The following SLC35F4 variants were observed in gnomAD, a reference collection of about 807,000 sequenced individuals.
SLC35F4 encodes chromosome 14 open reading frame 36.
SLC35F4 carries 24 observed loss-of-function variants against 44.2 expected under a neutral mutation model. The observed-to-expected ratio is 0.54, with a 90% CI of 0.39 to 0.76. The LOEUF (loss-of-function observed/expected upper bound fraction) is 0.76, where lower values mean the gene tolerates loss of function less well. SLC35F4 is among the 30% of genes least tolerant of loss of function. SLC35F4 has a pLI of 0.00. For synonymous variants in SLC35F4, 238 were observed against 223.6 expected (o/e 1.06, Z -0.57); for missense variants, 562 against 586.1 (o/e 0.96, Z 0.42).
chr14:57,909,995 T>C (rs886414125), intron 1 of SLC35F4, among the ~76,000 whole-genome samples: 10 of 152,308 alleles, frequency 6.6e-5, no homozygotes, highest in Non-Finnish European at 1.5e-4. Flanking sequence ...GCTATTCTAA[T>C]AGGTATGTTG....
intron 1 of SLC35F4, among the ~76,000 whole-genome samples, chr14:57,628,465 A>G (rs903280168): frequency 2.1e-5 from 3 of 140,706 alleles, no homozygotes; most frequent in African/African-American, 8.0e-5. Flanking sequence ...ACACCTCAAC[A>G]GGTCCCAGTG....
At chr14:57,920,567 T>A (rs572635118) in intron 1 of SLC35F4, among the ~76,000 whole-genome samples, 1 of 152,272 alleles carries the variant, frequency 6.6e-6, no homozygotes, top group East Asian at 1.9e-4. Context: ...AGTGAGAGCC[T>A]GTCTCAAAAA....
At position 57,952,285 on chromosome 14, in the gene SLC35F4, C is replaced by T. The variant is rs149711888; in HGVS notation, n.282+29628G>A. On this transcript the variant is annotated intron_variant and non_coding_transcript_variant, in intron 1 of 1. Transcript: ENST00000556568. ...CCACACAAAAACCCCATCTGAAGGT[C>T]ACCAGCATCAAAGACCAAAGGTAGA... Among the ~76,000 whole-genome samples, 594 of 152,224 alleles carry T rather than the reference C, an allele frequency of 3.9e-3. 3 individuals are homozygous for T. The highest frequency in any genetic ancestry group is 0.013 in the African/African-American group (542 of 41,542).
chr14:57,796,168 ACCT>A (rs1181205480), intron 1 of SLC35F4, among the ~76,000 whole-genome samples: 1 of 152,120 alleles, frequency 6.6e-6, no homozygotes, highest in East Asian at 1.9e-4. Flanking sequence ...TGGTACATAT[ACCT>A]CATTTTCTTT....
At chr14:57,810,338 T>C (rs1392423606) in intron 1 of SLC35F4, among the ~76,000 whole-genome samples, 2 of 152,244 alleles carry the variant, frequency 1.3e-5, no homozygotes, top group Non-Finnish European at 2.9e-5. Flanking sequence ...GGTACTATAA[T>C]AAGATAGTAC....
chr14:57,949,481 T>G (rs1477628521), intron 1 of SLC35F4, among the ~76,000 whole-genome samples: 1 of 152,180 alleles, frequency 6.6e-6, no homozygotes, highest in Non-Finnish European at 1.5e-5. Context: ...TTTTATCCAT[T>G]CTGCCATTCT....
rs565617214 is a variant in SLC35F4 at position 57,725,359 on chromosome 14, C to T, written c.104-131235G>A. On this transcript the variant is annotated intron_variant, in intron 1 of 7. Coordinates refer to ENST00000556826, the MANE Select transcript of SLC35F4 (RefSeq NM_001306087.2). ...GAGCCCTCGATATGGCACCATTCCTCGGGGTGATCAGACAGCTACCTCGTG... is the reference window on the plus strand; with the variant it reads ...GAGCCCTCGATATGGCACCATTCCTTGGGGTGATCAGACAGCTACCTCGTG... Among the ~76,000 whole-genome samples, 113 of 152,284 alleles carry T rather than the reference C, an allele frequency of 7.4e-4. 1 individual carries two copies. The highest frequency in any genetic ancestry group is 2.6e-3 in the African/African-American group (106 of 41,548).
intron 1 of SLC35F4, among the ~76,000 whole-genome samples, chr14:57,777,460 A>G (rs2077515988): frequency 6.6e-6 from 1 of 152,226 alleles, no homozygotes; most frequent in South Asian, 2.1e-4. Flanking sequence ...AAAAAGGATG[A>G]GTTCATGTCT....
intron 1 of SLC35F4, among the ~76,000 whole-genome samples, chr14:57,702,331 T>A (rs1362338147): frequency 5.9e-5 from 8 of 136,586 alleles, no homozygotes; most frequent in Admixed American, 2.3e-4. Flanking sequence ...TCATTTTCTT[T>A]AAAAAAAAAA....
intron 1 of SLC35F4, among the ~76,000 whole-genome samples, chr14:57,812,046 A>C (rs1882028993): frequency 6.6e-6 from 1 of 152,192 alleles, no homozygotes; most frequent in African/African-American, 2.4e-5. Flanking sequence ...TTAGAAATTC[A>C]TTTTTTAGAA....
intron 1 of SLC35F4, among the ~76,000 whole-genome samples, chr14:57,961,855 T>C (rs776633475): frequency 2.2e-4 from 33 of 152,192 alleles, no homozygotes; most frequent in African/African-American, 6.5e-4. Context: ...TTATTATATG[T>C]CCTCATGGGC....
intron 1 of SLC35F4, chr14:57,602,272 A>G (rs1249582842): frequency 6.6e-6 from 1 of 152,170 alleles, no homozygotes; most frequent in Non-Finnish European, 1.5e-5. Flanking sequence ...AACACAGGAA[A>G]GTGTGGATTT....
intron 1 of SLC35F4, among the ~76,000 whole-genome samples, chr14:57,842,813 C>T (rs1885614431): frequency 6.6e-6 from 1 of 152,106 alleles, no homozygotes; most frequent in East Asian, 1.9e-4. Flanking sequence ...GAGGGTGTTG[C>T]CAAAGATGAT....
Position 57,914,512 on chromosome 14 carries a change from G to A in SLC35F4, n.282+67401C>T, listed in dbSNP as rs187009249. Among the ~76,000 whole-genome samples, 684 of 151,974 alleles carry A rather than the reference G, an allele frequency of 4.5e-3. 6 individuals carry two copies. Among genetic ancestry groups the A allele is most frequent in the African/African-American group, 0.016 (646 of 41,440 alleles). Reference sequence around the variant, plus strand: ...CAGGAGACGGAGTTTGCAGTGAGCCGAGATCGCGCCACTGCACTCCAGCCT... The same window carrying A: ...CAGGAGACGGAGTTTGCAGTGAGCCAAGATCGCGCCACTGCACTCCAGCCT... On this transcript the variant is annotated intron_variant and non_coding_transcript_variant, in intron 1 of 1. Coordinates refer to the SLC35F4 transcript ENST00000556568.
chr14:57,823,924 T>C (rs1018645522), intron 1 of SLC35F4, among the ~76,000 whole-genome samples: 1 of 152,312 alleles, frequency 6.6e-6, no homozygotes, highest in Non-Finnish European at 1.5e-5. Context: ...TTAACAACTT[T>C]GTTTTCTTGT....
intron 1 of SLC35F4, among the ~76,000 whole-genome samples, chr14:57,836,494 T>C (rs1446507083): frequency 1.3e-5 from 2 of 152,154 alleles, no homozygotes; most frequent in Non-Finnish European, 2.9e-5. Context: ...GGTTTCACCA[T>C]GTTGACCAAG....
chr14:57,813,008 T>A (rs2140890143), intron 1 of SLC35F4, among the ~76,000 whole-genome samples: 1 of 152,312 alleles, frequency 6.6e-6, no homozygotes, highest in East Asian at 1.9e-4. Flanking sequence ...GATTAATTCA[T>A]TTGATTCTCA....
At position 57,865,577 on chromosome 14, in the gene SLC35F4, T is replaced by G. The variant is rs1030587111; in HGVS notation, c.103+146A>C. On this transcript the variant is annotated intron_variant, in intron 1 of 7. Transcript: ENST00000556826. ...CGGACATACTTTTCTCCCCGGGGGG[T>G]CCCCGCCGCCAGGAAGGCGGTGTTG... is the stretch of plus-strand genomic sequence containing the variant. 18 of 602,754 alleles carry G rather than the reference T, an allele frequency of 3.0e-5. No individual in the cohort carries two copies. In the African/African-American group the frequency reaches 3.6e-4, roughly 12 times the overall value. 37.3% of individuals were successfully genotyped at this position (602,754 alleles called of 1,614,324 possible). A position where few individuals can be genotyped will look rare whatever the true frequency, so the allele number is the denominator to read the frequency against.
At chr14:57,964,991 A>AATATATATATATAT (rs1212108605) in intron 1 of SLC35F4, among the ~76,000 whole-genome samples, 3 of 115,674 alleles carry the variant, frequency 2.6e-5, no homozygotes, top group African/African-American at 1.1e-4. Flanking sequence ...AAAAAAAAAA[A>AATATATATATATAT]ATATATATAT....
Sources: allele counts gnomAD v4.1 joint callset (sites outside exome capture counted in the v4.1 genomes callset), GRCh38; gene constraint gnomAD v4.1.1; transcripts MANE v1.5; gene names NCBI Gene and HGNC (gene_info 2026-07-23, HGNC 2026-07-21).